SPATA16: variants seen among roughly 807,000 people sequenced by gnomAD.
The protein encoded by SPATA16 is spermatogenesis-associated protein 16.
Under a neutral mutation model 63.3 loss-of-function variants are expected in SPATA16, and 36 were observed. The observed-to-expected ratio is 0.57, with a 90% CI of 0.44 to 0.75. The LOEUF (loss-of-function observed/expected upper bound fraction) is 0.75. Among genes scored for constraint, SPATA16 ranks in the 30% least tolerant of loss-of-function variants. The pLI, the probability that SPATA16 is intolerant of heterozygous loss-of-function variation, is 0.00. For synonymous variants in SPATA16, 203 were observed against 216.7 expected (o/e 0.94, Z 0.56); for missense variants, 646 against 679.3 (o/e 0.95, Z 0.54).
intron 4 of SPATA16, among the ~76,000 whole-genome samples, chr3:173,018,393 A>G (rs142540969): frequency 4.0e-5 from 6 of 150,182 alleles, no homozygotes; most frequent in African/African-American, 1.2e-4. Flanking sequence ...TCCTACCTCA[A>G]CCTCCTGACT....
chr3:173,007,516 T>A (rs752980093), intron 4 of SPATA16, among the ~76,000 whole-genome samples: 8 of 152,242 alleles, frequency 5.3e-5, no homozygotes, highest in Non-Finnish European at 1.2e-4. Flanking sequence ...ACCAATTTGT[T>A]GTTTTTCTTA....
At chr3:173,031,822 G>A (rs1735614526) in intron 3 of SPATA16, among the ~76,000 whole-genome samples, 1 of 151,956 alleles carries the variant, frequency 6.6e-6, no homozygotes, top group South Asian at 2.1e-4. Context: ...AGTTCATGCA[G>A]TCAGTTTAAA....
At chr3:173,031,755 G>T (rs1275940851) in intron 3 of SPATA16, among the ~76,000 whole-genome samples, 3 of 151,960 alleles carry the variant, frequency 2.0e-5, no homozygotes, top group Non-Finnish European at 4.4e-5. Flanking sequence ...ACAAAAGATT[G>T]ATCATTAGAA....
intron 10 of SPATA16, among the ~76,000 whole-genome samples, chr3:172,902,942 C>T (rs1386530519): frequency 1.3e-5 from 2 of 152,132 alleles, no homozygotes; most frequent in Admixed American, 1.3e-4. Context: ...TTTATTTTTG[C>T]CCTTCTCCCA....
intron 2 of SPATA16, among the ~76,000 whole-genome samples, chr3:173,086,514 G>T (rs2108316336): frequency 6.6e-6 from 1 of 151,962 alleles, no homozygotes; most frequent in Admixed American, 6.6e-5. Flanking sequence ...TTTCTTGAAG[G>T]GTTTTTCATG....
intron 5 of SPATA16, among the ~76,000 whole-genome samples, chr3:172,961,089 C>CCTTCCTTTCTTCCTTT (rs1733770839): frequency 1.8e-5 from 2 of 112,380 alleles, no homozygotes; most frequent in Admixed American, 9.6e-5. Context: ...TTCCTTCCTT[C>CCTTCCTTTCTTCCTTT]CTTCCTTCCT....
intron 3 of SPATA16, among the ~76,000 whole-genome samples, chr3:173,044,334 T>C (rs771653184): frequency 6.6e-6 from 1 of 152,204 alleles, no homozygotes; most frequent in Non-Finnish European, 1.5e-5. Flanking sequence ...TCGATTTGTC[T>C]TCAACTTCAC....
intron 2 of SPATA16, among the ~76,000 whole-genome samples, chr3:173,051,868 A>G (rs1176878468): frequency 6.6e-6 from 1 of 151,066 alleles, no homozygotes; most frequent in East Asian, 2.0e-4. Flanking sequence ...CTGGAGTGTA[A>G]TGGCAGCATC....
At chr3:172,953,172 C>T (rs893428396) in intron 6 of SPATA16, among the ~76,000 whole-genome samples, 2 of 152,020 alleles carry the variant, frequency 1.3e-5, no homozygotes, top group African/African-American at 2.4e-5. Context: ...TTACTAAAGT[C>T]GGATCCTTTC....
intron 2 of SPATA16, among the ~76,000 whole-genome samples, chr3:173,109,358 G>T (rs566674751): frequency 6.6e-6 from 1 of 152,278 alleles, no homozygotes; most frequent in Admixed American, 6.5e-5. Context: ...GGGGGACTTA[G>T]CATGAGTCAG....
intron 3 of SPATA16, among the ~76,000 whole-genome samples, chr3:173,034,192 A>G (rs1353616076): frequency 6.6e-6 from 1 of 152,202 alleles, no homozygotes; most frequent in Non-Finnish European, 1.5e-5. Flanking sequence ...TATTTTGAGT[A>G]GCCTTATTGT....
intron 4 of SPATA16, among the ~76,000 whole-genome samples, chr3:172,977,565 A>G (rs6445091): frequency 0.61 from 92,158 of 151,906 alleles, 28,458 homozygotes; most frequent in African/African-American, 0.71. Flanking sequence ...TCCTCTCCCC[A>G]CAGATTTTTG....
intron 3 of SPATA16, among the ~76,000 whole-genome samples, chr3:173,047,723 G>C (rs76868421): frequency 0.036 from 5,480 of 151,976 alleles, 345 homozygotes; most frequent in African/African-American, 0.13. Context: ...GAACAAAATT[G>C]TTTGACCGAC....
chr3:172,925,301 T>C (rs1157173688), intron 7 of SPATA16, 45 bp downstream of exon 7: 1 of 1,611,688 alleles, frequency 6.2e-7, no homozygotes. Flanking sequence ...CCAAAACTCA[T>C]CACAGGCTAC....
chr3:173,019,028 A>G (rs1362588522), intron 4 of SPATA16, among the ~76,000 whole-genome samples: 1 of 152,198 alleles, frequency 6.6e-6, no homozygotes, highest in Admixed American at 6.5e-5. Flanking sequence ...ATTGGAGTCC[A>G]AGAAAAAAAT....
intron 8 of SPATA16, among the ~76,000 whole-genome samples, chr3:172,923,728 C>T (rs1732665438): frequency 6.6e-6 from 1 of 152,082 alleles, no homozygotes; most frequent in Admixed American, 6.5e-5. Context: ...GATAATTTAC[C>T]TTATGGCTAT....
chr3:172,967,565 A>G (rs527672617), intron 5 of SPATA16, among the ~76,000 whole-genome samples: 1 of 152,286 alleles, frequency 6.6e-6, no homozygotes, highest in African/African-American at 2.4e-5. Context: ...GTTACAGCCT[A>G]CTATAGCTCA....
At chr3:172,950,255 G>A (rs1323808067) in intron 6 of SPATA16, among the ~76,000 whole-genome samples, 4 of 152,186 alleles carry the variant, frequency 2.6e-5, no homozygotes, top group East Asian at 3.9e-4. Context: ...TGCTGGTTGA[G>A]AAGTGGTTAA....
At position 173,069,112 on chromosome 3, in the gene SPATA16, G is replaced by GAAAAAAA. The variant is rs541801266; in HGVS notation, c.613-20025_613-20019dup. On this transcript the variant is annotated intron_variant, in intron 2 of 10. Transcript: ENST00000351008. The stretch of plus-strand genomic sequence containing the variant: ...GCAGCAGTACGAGACTCCGTCTCAA[G>GAAAAAAA]AAAAAAAAAAAAAAGAAAGAAAGAA... Among the ~76,000 whole-genome samples, 303 of 109,122 alleles carry GAAAAAAA rather than the reference G, an allele frequency of 2.8e-3. 7 individuals carry two copies. Among genetic ancestry groups the GAAAAAAA allele is most frequent in the African/African-American group, 0.01 (287 of 27,342 alleles). The allele number at this position is 109,122 out of a possible 152,430, so 71.6% of individuals were successfully genotyped here.
Sources: gnomAD v4.1 joint callset for allele counts (sites outside exome capture counted in the v4.1 genomes callset) on GRCh38, gnomAD v4.1.1 for gene constraint, MANE v1.5 for transcripts, NCBI Gene and HGNC (gene_info 2026-07-23, HGNC 2026-07-21) for gene names.